EYA2: variants seen among roughly 807,000 people sequenced by gnomAD.
EYA2 encodes protein phosphatase EYA2.
Under a neutral mutation model 69.2 loss-of-function variants are expected in EYA2, and 31 were observed. The ratio of observed to expected loss-of-function variants is 0.45; its 90% CI spans 0.34 to 0.60. The LOEUF (loss-of-function observed/expected upper bound fraction) is 0.60, where lower values mean the gene tolerates loss of function less well. EYA2 is among the 20% of genes least tolerant of loss of function. EYA2 has a pLI of 0.02. For missense variants in EYA2, 622 were observed against 701.2 expected, an observed-to-expected ratio of 0.89 and a Z score of 1.28; for synonymous variants, 257 against 279.4, an observed-to-expected ratio of 0.92 and a Z score of 0.80.
chr20:46,938,503 C>T (rs1986017029), intron 1 of EYA2, among the ~76,000 whole-genome samples: 1 of 152,182 alleles, frequency 6.6e-6, no homozygotes, highest in Admixed American at 6.5e-5. Flanking sequence ...AAAGTGTGAG[C>T]TGGGGCTGCC....
chr20:47,021,049 G>T (rs577387022), intron 5 of EYA2, among the ~76,000 whole-genome samples: 1 of 152,110 alleles, frequency 6.6e-6, no homozygotes. Flanking sequence ...TACTTTACTC[G>T]TGGGGTGCTA....
Position 46,935,822 on chromosome 20 carries a change from G to A in EYA2, c.-11+40835G>A, listed in dbSNP as rs375101955. ...ATAGTTCGTTATATTAATATAATATGTTATAATAACATAGATTATATTATA... is the reference window on the plus strand; with the variant it reads ...ATAGTTCGTTATATTAATATAATATATTATAATAACATAGATTATATTATA... On this transcript the variant is annotated intron_variant, in intron 1 of 15. Coordinates refer to ENST00000327619, the MANE Select transcript of EYA2 (RefSeq NM_005244.5). 1.7e-4 allele frequency among the ~76,000 whole-genome samples: 26 copies of A among 151,430 alleles called. 1 individual carries two copies. Among genetic ancestry groups the A allele is most frequent in the Admixed American group, 1.1e-3 (17 of 15,238 alleles).
intron 9 of EYA2, among the ~76,000 whole-genome samples, chr20:47,103,070 C>T (rs942475723): frequency 2.6e-5 from 4 of 151,990 alleles, no homozygotes; most frequent in Admixed American, 6.5e-5. Context: ...ACTCCAGGAC[C>T]TGTTGTTGTT....
chr20:47,024,512 C>T (rs1983966980), intron 5 of EYA2, among the ~76,000 whole-genome samples: 1 of 152,236 alleles, frequency 6.6e-6, no homozygotes, highest in Admixed American at 6.5e-5. Flanking sequence ...CCCATGTGCT[C>T]ATCAGTTCTC....
chr20:46,923,960 A>G (rs1985293486), intron 1 of EYA2, among the ~76,000 whole-genome samples: 1 of 152,166 alleles, frequency 6.6e-6, no homozygotes, highest in African/African-American at 2.4e-5. Context: ...TTGGTGCTGG[A>G]TGGTTTGGTT....
intron 9 of EYA2, among the ~76,000 whole-genome samples, chr20:47,139,796 G>C (rs1013617661): frequency 1.3e-5 from 2 of 152,050 alleles, no homozygotes; most frequent in Non-Finnish European, 2.9e-5. Flanking sequence ...CCCCATTGTA[G>C]GCATGATCTC....
At chr20:46,939,372 T>C (rs1237389874) in intron 1 of EYA2, among the ~76,000 whole-genome samples, 3 of 152,102 alleles carry the variant, frequency 2.0e-5, no homozygotes, top group Admixed American at 6.5e-5. Context: ...CTCAAGGTGG[T>C]AGAAAGCAAA....
At position 47,034,913 on chromosome 20, in the gene EYA2, A is replaced by G. The variant is rs1984613045; in HGVS notation, c.415+18616A>G. On this transcript the variant is annotated intron_variant, in intron 5 of 15. Coordinates refer to ENST00000327619, the MANE Select transcript of EYA2 (RefSeq NM_005244.5). ...ATGCTTCACACCAATCTCTGCCCCC[A>G]TCACCACATGGCATTCTCTCTGTGT... 2.0e-5 allele frequency among the ~76,000 whole-genome samples: 3 copies of G among 152,148 alleles called. No homozygotes were observed. The South Asian group carries it at 6.2e-4, about 32-fold the overall frequency.
intron 5 of EYA2, among the ~76,000 whole-genome samples, chr20:47,027,883 G>T (rs1984187516): frequency 6.6e-6 from 1 of 152,108 alleles, no homozygotes; most frequent in Non-Finnish European, 1.5e-5. Flanking sequence ...TACTCTATTG[G>T]GCAGCACAGG....
intron 4 of EYA2, among the ~76,000 whole-genome samples, chr20:47,012,253 C>T (rs1161526913): frequency 1.3e-5 from 2 of 152,164 alleles, no homozygotes; most frequent in Non-Finnish European, 2.9e-5. Flanking sequence ...TTTTCGGAGG[C>T]CTCTTTCTCT....
rs777394097 is a variant in EYA2 at position 47,089,258 on chromosome 20, T to G, written c.681T>G (p.Asn227Lys). Reference protein sequence around the residue: ...ESLAGEYNTHNGPSTPAKEGD... With the variant: ...ESLAGEYNTHKGPSTPAKEGD... Reference sequence around the variant, plus strand: ...CGCCAGGTGAATACAACACACACAATGGACCTTCCACACCAGCGAAAGAGG... The same window carrying G: ...CGCCAGGTGAATACAACACACACAAGGGACCTTCCACACCAGCGAAAGAGG... Residue 227 changes from asparagine to lysine, a missense_variant, in exon 8 of 16, where the codon AAT becomes AAG. By Grantham distance (94) the Asn-to-Lys change is moderately conservative. This residue lies in a region of EYA2 where 365 missense variants were observed against 349.7 expected (regional missense o/e 1.04). Coordinates refer to ENST00000327619, the MANE Select transcript of EYA2 (RefSeq NM_005244.5). 6.2e-7 allele frequency: 1 copy of G among 1,614,090 alleles called. No individual in the cohort carries two copies. The highest frequency in any genetic ancestry group is 1.1e-5 in the South Asian group (1 of 91,072).
rs772113561 is a variant in EYA2, at chr20:47,182,628, T to TA, written c.1436-647dup. ...TGGGCAACAAGAACGAGACTCCGTC[T>TA]AAAAAAAAAAAAAAAAGGTTAAGAT... On this transcript the variant is annotated intron_variant, in intron 14 of 15. Transcript: ENST00000327619. 3.5e-3 allele frequency among the ~76,000 whole-genome samples: 296 copies of TA among 84,346 alleles called. 6 individuals are homozygous for TA. The highest frequency in any genetic ancestry group is 0.012 in the South Asian group (30 of 2,420). 55.3% of individuals were successfully genotyped at this position (84,346 alleles called of 152,430 possible). A position where few individuals can be genotyped will look rare whatever the true frequency, so the allele number is the denominator to read the frequency against.
Position 47,028,020 on chromosome 20 carries a change from G to C in EYA2, c.415+11723G>C, listed in dbSNP as rs565373433. 3.0e-4 allele frequency among the ~76,000 whole-genome samples: 45 copies of C among 152,260 alleles called. 1 individual carries two copies. In the South Asian group the frequency reaches 9.3e-3, roughly 32 times the overall value. ...GGTTTTGGTGATGAGGCCTTTGGGAGGTGTTAGGGTTAAATGAGGTCATGA... is the reference window on the plus strand; with the variant it reads ...GGTTTTGGTGATGAGGCCTTTGGGACGTGTTAGGGTTAAATGAGGTCATGA... On this transcript the variant is annotated intron_variant, in intron 5 of 15. Coordinates refer to ENST00000327619, the MANE Select transcript of EYA2 (RefSeq NM_005244.5).
rs60327943 is a variant in EYA2, at chr20:47,099,107, G to T, written c.888+1939G>T. Among the ~76,000 whole-genome samples, 140 of 152,376 alleles carry T rather than the reference G, an allele frequency of 9.2e-4. 1 individual carries two copies. Among genetic ancestry groups the T allele is most frequent in the African/African-American group, 3.2e-3 (135 of 41,586 alleles). ...ACAAATATAATAGTTACTGCCGTGG[G>T]CAGTTGGGGCTAAGTCCCACCAGGG... On this transcript the variant is annotated intron_variant, in intron 9 of 15. Coordinates refer to ENST00000327619, the MANE Select transcript of EYA2 (RefSeq NM_005244.5).
At chr20:46,994,057 G>A (rs1981858190) in intron 2 of EYA2, among the ~76,000 whole-genome samples, 1 of 152,214 alleles carries the variant, frequency 6.6e-6, no homozygotes, top group Admixed American at 6.5e-5. Flanking sequence ...TTCTGGGTGA[G>A]TGAAGGGGTA....
chr20:46,954,806 C>T (rs11697195), intron 1 of EYA2, among the ~76,000 whole-genome samples: 27,076 of 152,144 alleles, frequency 0.18, 2,856 homozygotes, highest in Non-Finnish European at 0.24. Context: ...GTTCTGCTAA[C>T]AGTCAGTTCT....
chr20:47,061,585 A>G (rs2030890734), intron 5 of EYA2, among the ~76,000 whole-genome samples: 1 of 152,104 alleles, frequency 6.6e-6, no homozygotes, highest in Non-Finnish European at 1.5e-5. Flanking sequence ...CATTTTGCCT[A>G]CCTCAATCTA....
intron 4 of EYA2, among the ~76,000 whole-genome samples, chr20:47,006,338 A>C (rs1342570528): frequency 1.3e-5 from 2 of 152,186 alleles, no homozygotes; most frequent in Non-Finnish European, 2.9e-5. Flanking sequence ...CACAAAGGAG[A>C]AGGAGGCAGG....
At chr20:47,156,077 C>CATAT (rs1352072537) in intron 10 of EYA2, among the ~76,000 whole-genome samples, 1 of 79,700 alleles carries the variant, frequency 1.3e-5, no homozygotes, top group Non-Finnish European at 2.4e-5. Context: ...CACACACACA[C>CATAT]ATATATATAC....
Sources: gnomAD v4.1 joint callset for allele counts (sites outside exome capture counted in the v4.1 genomes callset) on GRCh38, gnomAD v4.1.1 for gene constraint, gnomAD v4.1.1 regional missense constraint, MANE v1.5 for transcripts, NCBI Gene and HGNC (gene_info 2026-07-23, HGNC 2026-07-21) for gene names.